Variants in SLC35F1 observed in about 807,000 individuals in gnomAD.
SLC35F1 encodes the protein solute carrier family 35 member F1, also known as chromosome 6 open reading frame 169.
A neutral mutation model predicts 48.7 loss-of-function variants in SLC35F1; 14 were observed. That is an observed-to-expected ratio of 0.29 (90% CI 0.19 to 0.45). The LOEUF is 0.45. Ranked by LOEUF, SLC35F1 falls within the 20% of genes least tolerant of loss-of-function variation. The probability of loss-of-function intolerance (pLI) is 1.00; values close to 1 mark genes in which losing one functional copy is unlikely to be tolerated. For synonymous variants in SLC35F1, 190 were observed against 202.2 expected, an observed-to-expected ratio of 0.94 and a Z score of 0.51; for missense variants, 404 against 500.0, an observed-to-expected ratio of 0.81 and a Z score of 1.83.
chr6:118,011,331 C>G (rs939215586), intron 1 of SLC35F1, among the ~76,000 whole-genome samples: 2 of 152,118 alleles, frequency 1.3e-5, no homozygotes, highest in African/African-American at 4.8e-5. Context: ...AGGAAACTTA[C>G]AATCATGGAG....
intron 1 of SLC35F1, among the ~76,000 whole-genome samples, chr6:117,988,607 G>A (rs1776878029): frequency 6.6e-6 from 1 of 152,188 alleles, no homozygotes; most frequent in Admixed American, 6.5e-5. Flanking sequence ...ATGGAGAGAT[G>A]TACCAATGTT....
chr6:118,042,019 C>T (rs1772229317), intron 1 of SLC35F1, among the ~76,000 whole-genome samples: 1 of 152,050 alleles, frequency 6.6e-6, no homozygotes, highest in Non-Finnish European at 1.5e-5. Flanking sequence ...TGGACACTCT[C>T]TGCCTCATTT....
chr6:118,135,971 C>T (rs1773788403), intron 1 of SLC35F1, among the ~76,000 whole-genome samples: 1 of 152,226 alleles, frequency 6.6e-6, no homozygotes, highest in Non-Finnish European at 1.5e-5. Context: ...CCACTCCATG[C>T]ACTGGGCCTG....
chr6:118,102,480 C>T (rs1201341097), intron 1 of SLC35F1, among the ~76,000 whole-genome samples: 2 of 152,098 alleles, frequency 1.3e-5, no homozygotes, highest in Non-Finnish European at 2.9e-5. Flanking sequence ...TGTGACTGGC[C>T]CCATTTTTTT....
At chr6:118,237,709 G>A (rs368062603) in intron 3 of SLC35F1, among the ~76,000 whole-genome samples, 3 of 152,092 alleles carry the variant, frequency 2.0e-5, no homozygotes, top group African/African-American at 4.8e-5. Flanking sequence ...CTTTAACAGC[G>A]ATAGTTATAA....
At position 117,943,775 on chromosome 6, in the gene SLC35F1, A is replaced by G. The variant is rs147310989; in HGVS notation, c.173+35876A>G. ...TGTTCTTGAACCTCAGTTTAAAACC[A>G]TTGATTTTGCTGGAGCTAGAAGAGA... is the stretch of plus-strand genomic sequence containing the variant. On this transcript the variant is annotated intron_variant, in intron 1 of 7. Transcript: ENST00000360388. Among the ~76,000 whole-genome samples the G allele has an allele frequency of 1.8e-3, 271 of 152,326 alleles. 4 individuals are homozygous for G. In the East Asian group the frequency reaches 0.041, roughly 23 times the overall value.
intron 1 of SLC35F1, among the ~76,000 whole-genome samples, chr6:117,920,442 G>A (rs957156672): frequency 2.0e-5 from 3 of 152,228 alleles, no homozygotes; most frequent in Admixed American, 6.5e-5. Context: ...GAGATAATCT[G>A]TCCTTGGAAC....
rs546876824 is a variant in SLC35F1, at chr6:118,277,415, G to C, written c.795-79G>C. 3.9e-6 allele frequency: 5 copies of C among 1,280,850 alleles called. No individual in the cohort carries two copies. The African/African-American group carries it at 7.4e-5, about 19-fold the overall frequency. 79.3% of individuals were successfully genotyped at this position (1,280,850 alleles called of 1,614,324 possible). On this transcript the variant is annotated intron_variant, in intron 5 of 7. Transcript: ENST00000360388. ...TTCATTATTTGTATACATCTGATAA[G>C]TGGGGGGGAAAAAAGAAAGAAAGAA...
chr6:117,978,100 T>C (rs2114847946), intron 1 of SLC35F1, among the ~76,000 whole-genome samples: 1 of 152,328 alleles, frequency 6.6e-6, no homozygotes. Flanking sequence ...ATTTTATTTC[T>C]TCAGATGTGT....
At chr6:117,923,760 TATGCACATAC>T (rs1562238994) in intron 1 of SLC35F1, among the ~76,000 whole-genome samples, 20 of 14,142 alleles carry the variant, frequency 1.4e-3, no homozygotes, top group African/African-American at 2.8e-3. Flanking sequence ...CATATATACA[TATGCACATAC>T]ATATGTATAT....
chr6:118,056,459 GT>G (rs1772464761), intron 1 of SLC35F1, among the ~76,000 whole-genome samples: 1 of 152,080 alleles, frequency 6.6e-6, no homozygotes, highest in African/African-American at 2.4e-5. Flanking sequence ...TGATATTTTA[GT>G]TCAATCGAAC....
At chr6:118,035,615 A>C (rs1268836208) in intron 1 of SLC35F1, among the ~76,000 whole-genome samples, 1 of 128,784 alleles carries the variant, frequency 7.8e-6, no homozygotes, top group Admixed American at 8.1e-5. Flanking sequence ...ACTCCGTCTC[A>C]CAAAAAAAAA....
chr6:118,182,074 A>C (rs205943), intron 2 of SLC35F1, among the ~76,000 whole-genome samples: 18,854 of 152,070 alleles, frequency 0.12, 3,268 homozygotes, highest in African/African-American at 0.39. Context: ...TCTTTGTTTT[A>C]TTTTTCATTA....
Position 118,154,606 on chromosome 6 carries a change from T to C in SLC35F1, c.335T>C (p.Leu112Pro). 6.2e-7 allele frequency: 1 copy of C among 1,609,362 alleles called. No individual in the cohort carries two copies. Among genetic ancestry groups the C allele is most frequent in the African/African-American group, 1.3e-5 (1 of 74,858 alleles). The change falls in exon 2 of 8, where the codon CTA (leucine) becomes CCA (proline). Residue 112 changes from leucine (L) to proline (P), a missense_variant. By Grantham distance (98) the Leu-to-Pro change is moderately conservative. Around this residue, in one of 2 missense-constraint regions of SLC35F1, gnomAD observed 306 missense variants for 419.1 expected, o/e 0.73. Coordinates refer to ENST00000360388, the MANE Select transcript of SLC35F1 (RefSeq NM_001029858.4). Reference protein sequence around the residue: ...ILLFLVYTTTLAVRQGEENLL... With the variant: ...ILLFLVYTTTPAVRQGEENLL... ...CTCTTCTTGGTCTATACCACCACAC[T>C]AGCCGTCAGACAAGGTAAGCTCACA... is the stretch of plus-strand genomic sequence containing the variant.
At chr6:118,118,962 A>T (rs1055208352) in intron 1 of SLC35F1, among the ~76,000 whole-genome samples, 2 of 150,080 alleles carry the variant, frequency 1.3e-5, no homozygotes, top group African/African-American at 4.9e-5. Flanking sequence ...TTTTTGCTAC[A>T]GAGTTCAGAC....
intron 2 of SLC35F1, among the ~76,000 whole-genome samples, chr6:118,166,071 C>A (rs1774313156): frequency 6.6e-6 from 1 of 151,968 alleles, no homozygotes. Context: ...AGAAATTGGT[C>A]TCCCATTTTT....
intron 1 of SLC35F1, among the ~76,000 whole-genome samples, chr6:118,068,966 C>T (rs9401054): frequency 0.98 from 149,289 of 152,256 alleles, 73,256 homozygotes; most frequent in Middle Eastern, 1. Flanking sequence ...TTGTTAACCA[C>T]AGAAATATAA....
chr6:118,129,833 C>T (rs1233788609), intron 1 of SLC35F1, among the ~76,000 whole-genome samples: 1 of 152,082 alleles, frequency 6.6e-6, no homozygotes, highest in Non-Finnish European at 1.5e-5. Flanking sequence ...ACATAGAATC[C>T]TATACTGTGC....
intron 1 of SLC35F1, among the ~76,000 whole-genome samples, chr6:118,061,084 T>A (rs1251299730): frequency 6.6e-6 from 1 of 152,214 alleles, no homozygotes; most frequent in Non-Finnish European, 1.5e-5. Flanking sequence ...TATTGACAAG[T>A]TCTGGCCAAG....
Sources: allele counts gnomAD v4.1 joint callset (sites outside exome capture counted in the v4.1 genomes callset), GRCh38; gene constraint gnomAD v4.1.1; regional missense constraint gnomAD v4.1.1; transcripts MANE v1.5; gene names NCBI Gene and HGNC (gene_info 2026-07-23, HGNC 2026-07-21).